The following ABCA10 variants were observed in gnomAD, a reference collection of about 807,000 sequenced individuals.
ABCA10 encodes the protein ATP-binding cassette sub-family A member 10.
ABCA10 carries 169 observed loss-of-function variants against 187.5 expected under a neutral mutation model. The observed-to-expected ratio is 0.90, with a 90% CI of 0.80 to 1.02. The LOEUF (loss-of-function observed/expected upper bound fraction) is 1.02. ABCA10 is among the 50% of genes least tolerant of loss of function. The pLI is 0.00. For missense variants in ABCA10, 1,727 were observed against 1,812.4 expected, an observed-to-expected ratio of 0.95 and a Z score of 0.86; for synonymous variants, 574 against 601.8, an observed-to-expected ratio of 0.95 and a Z score of 0.68.
chr17:69,208,448 A>G (rs2074609564), intron 9 of ABCA10, among the ~76,000 whole-genome samples: 1 of 148,138 alleles, frequency 6.8e-6, no homozygotes, highest in Admixed American at 6.7e-5. Flanking sequence ...AAAAGAATGT[A>G]TTAGGAAAAA....
chr17:69,241,205 A>T (rs1268955356), intron 1 of ABCA10, among the ~76,000 whole-genome samples: 1 of 152,202 alleles, frequency 6.6e-6, no homozygotes, highest in East Asian at 1.9e-4. Context: ...CTCAGACAAA[A>T]CAAAAAACAA....
At chr17:69,231,953 A>G (rs2074834891), upstream of ABCA10, among the ~76,000 whole-genome samples, 1 of 152,096 alleles carries the variant, frequency 6.6e-6, no homozygotes, top group African/African-American at 2.4e-5. Context: ...ATATGTATTT[A>G]TAATTATTAT....
chr17:69,234,916 GT>G (rs1426642245), intron 1 of ABCA10: 3 of 152,062 alleles, frequency 2.0e-5, no homozygotes, highest in African/African-American at 4.8e-5. Context: ...AATGCCACTT[GT>G]TTTTTGCTCA....
At chr17:69,155,557 C>A (rs73356161) in intron 29 of ABCA10, among the ~76,000 whole-genome samples, 3 of 151,956 alleles carry the variant, frequency 2.0e-5, no homozygotes, top group African/African-American at 7.3e-5. Flanking sequence ...TTAAAAAATT[C>A]GAGAACTTGT....
chr17:69,165,667 T>C (rs2074249447), intron 25 of ABCA10, among the ~76,000 whole-genome samples: 1 of 152,136 alleles, frequency 6.6e-6, no homozygotes, highest in Admixed American at 6.6e-5. Flanking sequence ...CTTCTGCCAT[T>C]CAAAATTCAT....
chr17:69,193,915 A>G lies in ABCA10; in HGVS notation c.1420T>C (p.Cys474Arg), dbSNP rs767013494. Residue 474 changes from cysteine (C) to arginine (R), a missense_variant, in exon 13 of 39, where the codon TGT becomes CGT. Physicochemically the swap from Cys to Arg is radical, Grantham distance 180. Transcript: ENST00000690296. Reference sequence around the variant, plus strand: ...TCAAATTGAAAATTGAACTGTGGACAAAATCCAATATTCTTTCTAATTTCT... The same window carrying G: ...TCAAATTGAAAATTGAACTGTGGACGAAATCCAATATTCTTTCTAATTTCT... ...MEEIRKNIGF[C>R]PQFNFQFDFL... 2.5e-6 allele frequency: 4 copies of G among 1,612,820 alleles called. No individual in the cohort carries two copies. The Admixed American group carries it at 6.7e-5, about 27-fold the overall frequency.
intron 5 of ABCA10, among the ~76,000 whole-genome samples, chr17:69,221,050 G>A (rs2074743588): frequency 6.6e-6 from 1 of 152,136 alleles, no homozygotes. Flanking sequence ...AAAACATATG[G>A]GATAGAAAGA....
chr17:69,195,343 G>A (rs2074490050), intron 11 of ABCA10, among the ~76,000 whole-genome samples: 1 of 152,016 alleles, frequency 6.6e-6, no homozygotes, highest in South Asian at 2.1e-4. Context: ...GGTATAAACA[G>A]TGTATTCCTA....
intron 23 of ABCA10, 94 bp from the exon 24 acceptor site, chr17:69,174,871 G>C: frequency 9.0e-7 from 1 of 1,115,130 alleles, no homozygotes; most frequent in Non-Finnish European, 1.2e-6. Flanking sequence ...TTTAGAAATA[G>C]TATGTTATAG....
intron 30 of ABCA10, 94 bp from the exon 31 acceptor site, chr17:69,154,420 C>CTTT (rs56142812): frequency 5.8e-4 from 269 of 464,076 alleles, no homozygotes; most frequent in African/African-American, 1.2e-3. Flanking sequence ...AACAAAATGA[C>CTTT]TTTTTTTTTT....
Position 69,226,120 on chromosome 17 carries a change from G to T in ABCA10, c.-171-591C>A, listed in dbSNP as rs111550698. Among the ~76,000 whole-genome samples the T allele has an allele frequency of 3.4e-3, 510 of 152,144 alleles. 4 individuals are homozygous for T. The highest frequency in any genetic ancestry group is 0.012 in the African/African-American group (486 of 41,548). ...AATTATTTTTAATTTTGTGTAGTGG[G>T]ATAGTGGTAATGTAGGGAACCAAGT... On this transcript the variant is annotated intron_variant, in intron 2 of 38. Coordinates refer to ENST00000690296, the MANE Select transcript of ABCA10 (RefSeq NM_001377321.1).
At chr17:69,157,222 T>A (rs145484141) in intron 27 of ABCA10, among the ~76,000 whole-genome samples, 16 of 152,232 alleles carry the variant, frequency 1.1e-4, no homozygotes, top group African/African-American at 3.9e-4. Context: ...TCTAAATGAA[T>A]ACAGGAGATA....
At position 69,177,966 on chromosome 17, in the gene ABCA10, A is replaced by AT. The variant is rs1568057323; in HGVS notation, c.2770-2454_2770-2453insA. ...ATGAGACTCCATTTCAAAAAAAAAA[A>AT]AAAAAAAATATATATATATATATAT... On this transcript the variant is annotated intron_variant, in intron 22 of 38. Coordinates refer to ENST00000690296, the MANE Select transcript of ABCA10 (RefSeq NM_001377321.1). Among the ~76,000 whole-genome samples the AT allele has an allele frequency of 5.5e-3, 206 of 37,204 alleles. 1 individual carries two copies. The highest frequency in any genetic ancestry group is 0.012 in the African/African-American group (197 of 16,456). 24.4% of individuals were successfully genotyped at this position (37,204 alleles called of 152,430 possible).
At chr17:69,211,892 T>G (rs1769807758) in intron 9 of ABCA10, among the ~76,000 whole-genome samples, 1 of 152,196 alleles carries the variant, frequency 6.6e-6, no homozygotes, top group African/African-American at 2.4e-5. Context: ...TGAATCTTGC[T>G]AATGGTCTAT....
rs745604541 is a variant in ABCA10 at position 69,187,661 on chromosome 17, T to C, written c.2330+20A>G. The C allele has an allele frequency of 5.6e-6, 9 of 1,607,030 alleles. No homozygotes were observed. Among genetic ancestry groups the C allele is most frequent in the Non-Finnish European group, 7.7e-6 (9 of 1,175,244 alleles). ...TTTTCATATACTGACCAAATAGATA[T>C]AAAGTAATCTGATACTCACAAACAC... On this transcript the variant is annotated intron_variant, in intron 19 of 38. Transcript: ENST00000690296.
At position 69,219,736 on chromosome 17, in the gene ABCA10, T is replaced by G; in HGVS notation, c.339A>C (p.Thr113=). ...TTNHSVMEEL[T]SVIGINMKIP... is the part of the protein sequence containing the mutation. ...TCTTCATATTTATTCCAATAACTGATGTCAACTCCTCCATTACAGAATGAT... is the reference window on the plus strand; with the variant it reads ...TCTTCATATTTATTCCAATAACTGAGGTCAACTCCTCCATTACAGAATGAT... The change falls in exon 6 of 39, where the codon ACA becomes ACC. Residue 113 remains threonine (T), a synonymous_variant. Coordinates refer to ENST00000690296, the MANE Select transcript of ABCA10 (RefSeq NM_001377321.1). 1 of 1,606,322 alleles carries G rather than the reference T, an allele frequency of 6.2e-7. No individual in the cohort carries two copies.
intron 6 of ABCA10, among the ~76,000 whole-genome samples, chr17:69,219,014 A>C (rs1181627217): frequency 6.6e-6 from 1 of 152,198 alleles, no homozygotes; most frequent in African/African-American, 2.4e-5. Flanking sequence ...AGTTCTGTCC[A>C]TGTGACTTAC....
rs115518827 is a variant in ABCA10 at position 69,184,428 on chromosome 17, T to G, written c.2497+1049A>C. ...CCAGGCTGGAGGCTGACCAACACTG[T>G]TCCAGCACACTAAACAAAACTACAA... On this transcript the variant is annotated intron_variant, in intron 20 of 38. Coordinates refer to ENST00000690296, the MANE Select transcript of ABCA10 (RefSeq NM_001377321.1). Among the ~76,000 whole-genome samples the G allele has an allele frequency of 2.9e-3, 439 of 152,156 alleles. 7 individuals are homozygous for G. Among genetic ancestry groups the G allele is most frequent in the African/African-American group, 9.9e-3 (412 of 41,510 alleles).
intron 18 of ABCA10, 110 bp downstream of exon 18, chr17:69,190,248 G>A (rs1217605538): frequency 8.4e-7 from 1 of 1,188,798 alleles, no homozygotes; most frequent in Non-Finnish European, 1.1e-6. Flanking sequence ...TCTATCTAAT[G>A]CATATTATAG....
Sources: allele counts gnomAD v4.1 joint callset (sites outside exome capture counted in the v4.1 genomes callset), GRCh38; gene constraint gnomAD v4.1.1; transcripts MANE v1.5; gene names NCBI Gene and HGNC (gene_info 2026-07-23, HGNC 2026-07-21).